ZNF358: variants seen among roughly 807,000 people sequenced by gnomAD.
ZNF358 encodes the protein zinc finger protein 358.
ZNF358 carries 1 observed loss-of-function variant against 2.1 expected under a neutral mutation model. The ratio of observed to expected loss-of-function variants is 0.49; its 90% CI spans 0.17 to 2.30. The LOEUF is 2.30. Ranked by LOEUF, ZNF358 falls within the 30% of genes most tolerant of loss-of-function variation. The probability of loss-of-function intolerance (pLI) is 0.26; values close to 1 mark genes in which losing one functional copy is unlikely to be tolerated. For synonymous variants in ZNF358, 381 were observed against 359.7 expected, an observed-to-expected ratio of 1.06 and a Z score of -0.67; for missense variants, 665 against 806.8, an observed-to-expected ratio of 0.82 and a Z score of 2.13.
At position 7,520,460 on chromosome 19, in the gene ZNF358, C is replaced by CGCGGCCGCTGCAGCTGCAGCA. The variant is rs762320175; in HGVS notation, c.1227_1247dup (p.Ala410_Ala416dup). On this transcript the variant is annotated inframe_insertion, in exon 2 of 2. Transcript: ENST00000597229. This position sits in a 1 kb window ranked among gnomAD's most constrained non-coding sequence, Gnocchi z 6.0. Reference sequence around the variant, plus strand: ...AGGGTGCAGCCGCTGCTGCAGCTGCCGCGGCCGCTGCAGCTGCAGCAGCGG... The same window carrying CGCGGCCGCTGCAGCTGCAGCA: ...AGGGTGCAGCCGCTGCTGCAGCTGCCGCGGCCGCTGCAGCTGCAGCAGCGGCCGCTGCAGCTGCAGCAGCGG... The CGCGGCCGCTGCAGCTGCAGCA allele has an allele frequency of 1.6e-5, 19 of 1,153,336 alleles. No individual in the cohort carries two copies. In the African/African-American group the frequency reaches 3.3e-4, roughly 20 times the overall value. 71.4% of individuals were successfully genotyped at this position (1,153,336 alleles called of 1,614,324 possible).
At chr19:7,517,827 A>G (rs1479700158) in intron 1 of ZNF358, among the ~76,000 whole-genome samples, 1 of 152,120 alleles carries the variant, frequency 6.6e-6, no homozygotes, top group Non-Finnish European at 1.5e-5. Context: ...GTCTTTCCCC[A>G]GTGACTTGGG....
intron 1 of ZNF358, among the ~76,000 whole-genome samples, chr19:7,518,553 G>GAAAGAAAGAA (rs538103893): frequency 4.3e-3 from 97 of 22,552 alleles, no homozygotes; most frequent in East Asian, 9.8e-3. Context: ...GAAAGAGAGA[G>GAAAGAAAGAA]AGAGAGAAAG....
intron 1 of ZNF358, among the ~76,000 whole-genome samples, chr19:7,518,768 AAAAT>A: frequency 6.6e-6 from 1 of 151,908 alleles, no homozygotes; most frequent in Non-Finnish European, 1.5e-5. Context: ...CAAAAAAATA[AAAAT>A]AAAGAAGTGG....
chr19:7,518,954 A>C (rs1177917421), intron 1 of ZNF358, among the ~76,000 whole-genome samples: 2 of 150,458 alleles, frequency 1.3e-5, no homozygotes, highest in Non-Finnish European at 2.9e-5. Context: ...AATCCCAGCT[A>C]CTCAGGAGGC....
Position 7,520,857 on chromosome 19 carries a change from C to T in ZNF358, c.1615C>T (p.Pro539Ser), listed in dbSNP as rs1413618079. Residue 539 changes from proline to serine, a missense_variant, in exon 2 of 2, where the codon CCC becomes TCC. Physicochemically the swap from Pro to Ser is moderately conservative, Grantham distance 74. Transcript: ENST00000597229. This position sits in a 1 kb window ranked among gnomAD's most constrained non-coding sequence, Gnocchi z 6.0. Reference sequence around the variant, plus strand: ...TGTGTCCTGCCCTGACCCCTGTTCTCCCACTCGTGGCACTGTCAGCCCAGC... The same window carrying T: ...TGTGTCCTGCCCTGACCCCTGTTCTTCCACTCGTGGCACTGTCAGCCCAGC... ...NPVSCPDPCS[P>S]TRGTVSPALP... The T allele has an allele frequency of 6.2e-7, 1 of 1,613,966 alleles. No homozygotes were observed. The highest frequency in any genetic ancestry group is 8.5e-7 in the Non-Finnish European group (1 of 1,179,994).
Position 7,519,289 on chromosome 19 carries a change from G to T in ZNF358, c.47G>T (p.Arg16Ile), listed in dbSNP as rs2022414017. The T allele has an allele frequency of 6.2e-7, 1 of 1,614,024 alleles. No individual in the cohort carries two copies. Among genetic ancestry groups the T allele is most frequent in the African/African-American group, 1.3e-5 (1 of 75,000 alleles). Residue 16 changes from arginine to isoleucine, a missense_variant, in exon 2 of 2, where the codon AGA becomes ATA. Physicochemically the swap from Arg to Ile is moderately conservative, Grantham distance 97. Around this residue, in one of 3 missense-constraint regions of ZNF358, gnomAD observed 206 missense variants for 228.4 expected, o/e 0.90. Coordinates refer to ENST00000597229, the MANE Select transcript of ZNF358 (RefSeq NM_018083.5). ...LVRNPGHKGLRPVYEELDSDS... is the reference protein window; with the variant it reads ...LVRNPGHKGLIPVYEELDSDS... ...AGGAACCCAGGCCACAAAGGCCTGAGACCCGTTTATGAAGAGCTCGACTCT... is the reference window on the plus strand; with the variant it reads ...AGGAACCCAGGCCACAAAGGCCTGATACCCGTTTATGAAGAGCTCGACTCT...
In ZNF358 at chr19:7,520,314, C is replaced by T; in HGVS notation, c.1072C>T (p.Gln358Ter). 1 of 1,611,798 alleles carries T rather than the reference C, an allele frequency of 6.2e-7. No homozygotes were observed. The highest frequency in any genetic ancestry group is 8.5e-7 in the Non-Finnish European group (1 of 1,179,682). Residue 358 changes from glutamine (Q) to a stop codon, truncating the protein, a stop_gained, in exon 2 of 2, where the codon CAG (glutamine) becomes TAG (stop). Coordinates refer to ENST00000597229, the MANE Select transcript of ZNF358 (RefSeq NM_018083.5). LOFTEE classifies it low-confidence loss of function (END_TRUNC). This position sits in a 1 kb window ranked among gnomAD's most constrained non-coding sequence, Gnocchi z 6.0. ...CCCGCACTGCTCCAAGGCCTTCGGC[C>T]AGAGCTCAGCGCTGCTCCAGCACCT... Reference protein sequence around the residue: ...ACPHCSKAFGQSSALLQHLHV... With the variant: ...ACPHCSKAFG
At position 7,519,440 on chromosome 19, in the gene ZNF358, C is replaced by T. The variant is rs376609870; in HGVS notation, c.198C>T (p.Pro66=). 24 of 1,613,998 alleles carry T rather than the reference C, an allele frequency of 1.5e-5. No homozygotes were observed. The African/African-American group carries it at 1.9e-4, about 13-fold the overall frequency. The change falls in exon 2 of 2, where the codon CCC becomes CCT. Residue 66 remains proline (P), a synonymous_variant. Transcript: ENST00000597229. ...DVDPSYEDLE[P]VSEDLDPDAE... is the part of the protein sequence containing the mutation. ...ACCCCAGCTATGAAGATCTGGAGCC[C>T]GTCTCGGAGGATCTGGACCCCGACG...
chr19:7,520,846 A>G lies in ZNF358; in HGVS notation c.1604A>G (p.Asp535Gly). Residue 535 changes from aspartate to glycine, a missense_variant, in exon 2 of 2, where the codon GAC becomes GGC. This residue lies in a region of ZNF358 where 249 missense variants were observed against 227.6 expected (regional missense o/e 1.09). Transcript: ENST00000597229. The surrounding 1 kb of genome is among the most constrained non-coding windows in gnomAD (Gnocchi z 6.0). ...SPDPNPVSCP[D>G]PCSPTRGTVS... ...GATCCCAACCCTGTGTCCTGCCCTG[A>G]CCCCTGTTCTCCCACTCGTGGCACT... The G allele has an allele frequency of 6.2e-7, 1 of 1,613,504 alleles. No homozygotes were observed. Among genetic ancestry groups the G allele is most frequent in the Admixed American group, 1.7e-5 (1 of 59,930 alleles).
At chr19:7,514,667 C>T (rs557889865), upstream of ZNF358, among the ~76,000 whole-genome samples, 4 of 152,362 alleles carry the variant, frequency 2.6e-5, no homozygotes, top group Non-Finnish European at 4.4e-5. Flanking sequence ...GAGTCTCGCT[C>T]TGTTGCCCAG....
At position 7,519,570 on chromosome 19, in the gene ZNF358, A is replaced by G. The variant is rs767218388; in HGVS notation, c.328A>G (p.Ser110Gly). 7.5e-6 allele frequency: 12 copies of G among 1,601,516 alleles called. No individual in the cohort carries two copies. In the South Asian group the frequency reaches 1.2e-4, roughly 16 times the overall value. The change falls in exon 2 of 2, where the codon AGC becomes GGC. Residue 110 changes from serine (S) to glycine (G), a missense_variant. By Grantham distance (56) the Ser-to-Gly change is moderately conservative (BLOSUM62 0). Around this residue, in one of 3 missense-constraint regions of ZNF358, gnomAD observed 206 missense variants for 228.4 expected, o/e 0.90. Transcript: ENST00000597229. ...CGTACCCCTGATTCTCGATCCTAACAGCGACACCCTCAGCCCCGGCGATCC... is the reference window on the plus strand; with the variant it reads ...CGTACCCCTGATTCTCGATCCTAACGGCGACACCCTCAGCCCCGGCGATCC... Reference protein sequence around the residue: ...GPVPLILDPNSDTLSPGDPKV... With the variant: ...GPVPLILDPNGDTLSPGDPKV...
intron 1 of ZNF358, among the ~76,000 whole-genome samples, chr19:7,518,451 G>A (rs955786821): frequency 6.7e-6 from 1 of 149,320 alleles, no homozygotes; most frequent in Non-Finnish European, 1.5e-5. Flanking sequence ...TCTCAAAAAA[G>A]AGAGACAGAG....
chr19:7,517,501 G>T (rs765050827), intron 1 of ZNF358, among the ~76,000 whole-genome samples: 1 of 152,078 alleles, frequency 6.6e-6, no homozygotes, highest in Non-Finnish European at 1.5e-5. Context: ...GAGGTGGGAG[G>T]ATCATTTGAG....
Position 7,516,192 on chromosome 19 carries a change from G to A in ZNF358, c.-96G>A, listed in dbSNP as rs1411724852. 7.0e-6 allele frequency: 1 copy of A among 143,820 alleles called. No individual in the cohort carries two copies. The highest frequency in any genetic ancestry group is 1.5e-5 in the Non-Finnish European group (1 of 64,554). The allele number at this position is 143,820 out of a possible 1,614,324, so 8.9% of individuals were successfully genotyped here. On this transcript the variant is annotated 5_prime_UTR_variant, in exon 1 of 2. Coordinates refer to ENST00000597229, the MANE Select transcript of ZNF358 (RefSeq NM_018083.5). This position sits in a 1 kb window ranked among gnomAD's most constrained non-coding sequence, Gnocchi z 5.9. Reference sequence around the variant, plus strand: ...CGGGCGGGGGGCTTCCTGCGGGCCCGGGGGGAGCCGGCGGCCGGCGCGGGC... The same window carrying A: ...CGGGCGGGGGGCTTCCTGCGGGCCCAGGGGGAGCCGGCGGCCGGCGCGGGC...
upstream of ZNF358, among the ~76,000 whole-genome samples, chr19:7,514,715 C>G (rs111309937): frequency 0.034 from 5,236 of 152,324 alleles, 259 homozygotes; most frequent in African/African-American, 0.11. Context: ...TCACTGCAAC[C>G]TCCACCTCCT....
chr19:7,520,611 A>G lies in ZNF358; in HGVS notation c.1369A>G (p.Ser457Gly). 6.8e-7 allele frequency: 1 copy of G among 1,480,304 alleles called. No homozygotes were observed. The highest frequency in any genetic ancestry group is 9.3e-7 in the Non-Finnish European group (1 of 1,080,802). 91.7% of individuals were successfully genotyped at this position (1,480,304 alleles called of 1,614,324 possible). A position where few individuals can be genotyped will look rare whatever the true frequency, so the allele number is the denominator to read the frequency against. ...TGGCTTGGGCCTCAGCCCTGGCACC[A>G]GCTCTGGCCGCAACCCTGACCCTGG... ...GSGLGLSPGT[S>G]SGRNPDPGSG... Residue 457 changes from serine to glycine, a missense_variant, in exon 2 of 2, where the codon AGC becomes GGC. Ser to Gly is a moderately conservative substitution (Grantham distance 56, BLOSUM62 0). Coordinates refer to ENST00000597229, the MANE Select transcript of ZNF358 (RefSeq NM_018083.5). The surrounding 1 kb of genome is among the most constrained non-coding windows in gnomAD (Gnocchi z 6.0).
At position 7,516,636 on chromosome 19, in the gene ZNF358, G is replaced by T. The variant is rs563627018; in HGVS notation, c.-39+387G>T. On this transcript the variant is annotated intron_variant, in intron 1 of 1. Transcript: ENST00000597229. This position sits in a 1 kb window ranked among gnomAD's most constrained non-coding sequence, Gnocchi z 5.9. ...GTTCCCACCTCCCGCCTGGGGTCTG[G>T]AGTTCAGGAGGCCCTGTCCTCAAAA... Among the ~76,000 whole-genome samples, 22 of 152,046 alleles carry T rather than the reference G, an allele frequency of 1.4e-4. 1 individual carries two copies. In the South Asian group the frequency reaches 4.6e-3, roughly 32 times the overall value.
At position 7,520,924 on chromosome 19, in the gene ZNF358, G is replaced by C; in HGVS notation, c.1682G>C (p.Gly561Ala). 6.2e-7 allele frequency: 1 copy of C among 1,613,942 alleles called. No individual in the cohort carries two copies. Among genetic ancestry groups the C allele is most frequent in the Non-Finnish European group, 8.5e-7 (1 of 1,179,970 alleles). ...AGTCCAGAGTGGGTACAGGAGCAAG[G>C]GGCACTGCTGGGGCCTGATGGCTGA... ...GESPEWVQEQ[G>A]ALLGPDG is the part of the protein sequence containing the mutation. Residue 561 changes from glycine to alanine, a missense_variant, in exon 2 of 2, where the codon GGG becomes GCG. By Grantham distance (60) the Gly-to-Ala change is moderately conservative. This residue lies in a region of ZNF358 where 249 missense variants were observed against 227.6 expected (regional missense o/e 1.09). Transcript: ENST00000597229. This position sits in a 1 kb window ranked among gnomAD's most constrained non-coding sequence, Gnocchi z 6.0.
At position 7,520,926 on chromosome 19, in the gene ZNF358, G is replaced by A; in HGVS notation, c.1684G>A (p.Ala562Thr). 1 of 1,613,940 alleles carries A rather than the reference G, an allele frequency of 6.2e-7. No individual in the cohort carries two copies. The highest frequency in any genetic ancestry group is 8.5e-7 in the Non-Finnish European group (1 of 1,179,948). Residue 562 changes from alanine (A) to threonine (T), a missense_variant, in exon 2 of 2, where the codon GCA becomes ACA. Ala to Thr is a moderately conservative substitution (Grantham distance 58, BLOSUM62 0). Around this residue, in one of 3 missense-constraint regions of ZNF358, gnomAD observed 249 missense variants for 227.6 expected, o/e 1.09. Coordinates refer to ENST00000597229, the MANE Select transcript of ZNF358 (RefSeq NM_018083.5). The surrounding 1 kb of genome is among the most constrained non-coding windows in gnomAD (Gnocchi z 6.0). The stretch of plus-strand genomic sequence containing the variant: ...TCCAGAGTGGGTACAGGAGCAAGGG[G>A]CACTGCTGGGGCCTGATGGCTGAAG... ...ESPEWVQEQG[A>T]LLGPDG
Sources: gnomAD v4.1 joint callset for allele counts (sites outside exome capture counted in the v4.1 genomes callset) on GRCh38, gnomAD v4.1.1 for gene constraint, gnomAD v4.1.1 regional missense constraint, Gnocchi (gnomAD v3.1) non-coding constraint, MANE v1.5 for transcripts, NCBI Gene and HGNC (gene_info 2026-07-23, HGNC 2026-07-21) for gene names.